COL27A1: variants seen among roughly 807,000 people sequenced by gnomAD.
The protein encoded by COL27A1 is collagen type XXVII alpha 1 chain.
A neutral mutation model predicts 251.3 loss-of-function variants in COL27A1; 106 were observed. The observed-to-expected ratio is 0.42, with a 90% confidence interval of 0.36 to 0.50. COL27A1 has a LOEUF of 0.50. Ranked by LOEUF, COL27A1 falls within the 20% of genes least tolerant of loss-of-function variation. COL27A1 has a pLI of 0.00. For missense variants in COL27A1, 2,325 were observed against 2,522.8 expected (o/e 0.92, Z 1.68); for synonymous variants, 1,000 against 986.3 (o/e 1.01, Z -0.26).
chr9:114,208,446 C>T (rs1449720094), intron 10 of COL27A1, among the ~76,000 whole-genome samples: 1 of 151,894 alleles, frequency 6.6e-6, no homozygotes, highest in Non-Finnish European at 1.5e-5. Flanking sequence ...AAGACTCCGT[C>T]TCAAAAAATA....
chr9:114,250,782 T>C (rs2135523358), intron 25 of COL27A1, 114 bp downstream of exon 25: 1 of 881,152 alleles, frequency 1.1e-6, no homozygotes, highest in East Asian at 2.6e-5. Flanking sequence ...CTAGCCTCTC[T>C]CCTGACCTGG....
Position 114,167,955 on chromosome 9 carries a change from A to G in COL27A1, c.400A>G (p.Lys134Glu). The G allele has an allele frequency of 6.2e-7, 1 of 1,608,344 alleles. No individual in the cohort carries two copies. Among genetic ancestry groups the G allele is most frequent in the Non-Finnish European group, 8.5e-7 (1 of 1,179,852 alleles). The change falls in exon 3 of 61, where the codon AAG (lysine) becomes GAG (glutamate). Residue 134 changes from lysine (K) to glutamate (E), a missense_variant. By Grantham distance (56) the Lys-to-Glu change is moderately conservative. Transcript: ENST00000356083. Reference sequence around the variant, plus strand: ...GCTGGGCCTGCAGTTCCTCCCCGGCAAGACGGTCGTCCACCTCGGGTCCCG... The same window carrying G: ...GCTGGGCCTGCAGTTCCTCCCCGGCGAGACGGTCGTCCACCTCGGGTCCCG... ...LQLGLQFLPG[K>E]TVVHLGSRRS...
At chr9:114,250,850 C>A (rs973796213) in intron 25 of COL27A1, among the ~76,000 whole-genome samples, 182 bp downstream of exon 25, 1 of 152,152 alleles carries the variant, frequency 6.6e-6, no homozygotes, top group Non-Finnish European at 1.5e-5. Context: ...GGGGTTCTAT[C>A]CCTGCCCTAC....
chr9:114,212,289 T>C (rs1457537246), intron 12 of COL27A1, among the ~76,000 whole-genome samples: 3 of 152,352 alleles, frequency 2.0e-5, no homozygotes, highest in Admixed American at 6.5e-5. Flanking sequence ...CACATGGGGT[T>C]GTCCCTCAAG....
intron 14 of COL27A1, among the ~76,000 whole-genome samples, chr9:114,229,476 G>A (rs545819413): frequency 4.6e-5 from 7 of 152,114 alleles, no homozygotes; most frequent in East Asian, 3.9e-4. Flanking sequence ...AGGCAGCTCC[G>A]ACAAGAACTC....
intron 32 of COL27A1, among the ~76,000 whole-genome samples, chr9:114,265,727 G>A (rs568509721): frequency 1.6e-4 from 25 of 152,238 alleles, no homozygotes; most frequent in South Asian, 6.2e-4. Context: ...ATTCTGTTGT[G>A]AAGATGAAAT....
At chr9:114,302,717 C>CA (rs1227081020) in intron 56 of COL27A1, among the ~76,000 whole-genome samples, 84 of 77,304 alleles carry the variant, frequency 1.1e-3, no homozygotes, top group Admixed American at 3.0e-3. Flanking sequence ...CAAAAAGAAA[C>CA]AAAAAAAACA....
At chr9:114,219,873 A>G (rs762342772) in intron 13 of COL27A1, 29 bp downstream of exon 13, 18 of 1,556,170 alleles carry the variant, frequency 1.2e-5, no homozygotes, top group Middle Eastern at 1.7e-4. Context: ...TGGGAACAGG[A>G]GCGAGATTCT....
intron 12 of COL27A1, among the ~76,000 whole-genome samples, chr9:114,217,102 C>T (rs556611400): frequency 3.2e-4 from 49 of 152,318 alleles, no homozygotes; most frequent in Middle Eastern, 3.4e-3. Flanking sequence ...TGGGTGGTCA[C>T]GCTGTTGGGG....
At chr9:114,269,634 A>AAAAAAAAAAAAAG (rs796293254) in intron 35 of COL27A1, among the ~76,000 whole-genome samples, 26 of 114,384 alleles carry the variant, frequency 2.3e-4, no homozygotes, top group Non-Finnish European at 3.2e-4. Flanking sequence ...AAAAAAAAAA[A>AAAAAAAAAAAAAG]AAGAAGAAGA....
intron 35 of COL27A1, 76 bp from the exon 36 acceptor site, chr9:114,270,651 AG>A: frequency 2.6e-6 from 3 of 1,149,550 alleles, no homozygotes; most frequent in Non-Finnish European, 3.9e-6. Flanking sequence ...TGCCCCAGGG[AG>A]GGGGAAGAGA....
Position 114,301,111 on chromosome 9 carries a change from C to T in COL27A1, c.4741C>T (p.Pro1581Ser), listed in dbSNP as rs150497649. 3.1e-6 allele frequency: 5 copies of T among 1,613,374 alleles called. No individual in the cohort carries two copies. Among genetic ancestry groups the T allele is most frequent in the Admixed American group, 1.7e-5 (1 of 59,918 alleles). ...CGTCGGGCCCCTCGGAATCCTGGGA[C>T]CTTCGGGACTCCCGGTATGTGTGGG... Reference protein sequence around the residue: ...GIVGPLGILGPSGLPGPKGDK... With the variant: ...GIVGPLGILGSSGLPGPKGDK... The change falls in exon 52 of 61, where the codon CCT becomes TCT. Residue 1581 changes from proline (P) to serine (S), a missense_variant. Physicochemically the swap from Pro to Ser is moderately conservative, Grantham distance 74. This residue lies in a region of COL27A1 where 327 missense variants were observed against 442.8 expected (regional missense o/e 0.74). Transcript: ENST00000356083.
At chr9:114,214,544 G>A (rs181232966) in intron 12 of COL27A1, among the ~76,000 whole-genome samples, 28 of 152,338 alleles carry the variant, frequency 1.8e-4, no homozygotes, top group Non-Finnish European at 2.6e-4. Context: ...AGGAACCTTC[G>A]TGATGGCCTG....
chr9:114,215,274 C>T (rs1165480206), intron 12 of COL27A1, among the ~76,000 whole-genome samples: 1 of 152,228 alleles, frequency 6.6e-6, no homozygotes, highest in Non-Finnish European at 1.5e-5. Flanking sequence ...TTCCAGTTCT[C>T]AGATTACAGG....
At chr9:114,154,826 A>G (rs915906804), upstream of COL27A1, among the ~76,000 whole-genome samples, 11 of 152,010 alleles carry the variant, frequency 7.2e-5, no homozygotes, top group African/African-American at 2.7e-4. This position sits in a 1 kb window ranked among gnomAD's most constrained non-coding sequence, Gnocchi z 5.8. Flanking sequence ...CTCGTGAACG[A>G]GTGGCAAGAG....
chr9:114,242,068 C>T lies in COL27A1; in HGVS notation c.2836-119C>T. 4 of 858,318 alleles carry T rather than the reference C, an allele frequency of 4.7e-6. No individual in the cohort carries two copies. In the South Asian group the frequency reaches 7.1e-5, roughly 15 times the overall value. The allele number at this position is 858,318 out of a possible 1,614,324, so 53.2% of individuals were successfully genotyped here. Reference sequence around the variant, plus strand: ...GCAGGTGGGCCAGGCGTGCTGTTTCCCTTTGTCCAGGAGGGCTCTCCTCTG... The same window carrying T: ...GCAGGTGGGCCAGGCGTGCTGTTTCTCTTTGTCCAGGAGGGCTCTCCTCTG... On this transcript the variant is annotated intron_variant, in intron 21 of 60. Coordinates refer to ENST00000356083, the MANE Select transcript of COL27A1 (RefSeq NM_032888.4).
intron 45 of COL27A1, 135 bp from the exon 46 acceptor site, chr9:114,289,923 C>A: frequency 9.8e-7 from 1 of 1,022,130 alleles, no homozygotes. Context: ...GCTTCCAGGC[C>A]AGAGTGCTTG....
At chr9:114,301,781 G>T in intron 55 of COL27A1, 64 bp downstream of exon 55, 1 of 1,483,954 alleles carries the variant, frequency 6.7e-7, no homozygotes, top group Non-Finnish European at 9.3e-7. Context: ...GAGATTCAAG[G>T]CTTCACCGGC....
chr9:114,286,636 A>G (rs1827514590), intron 41 of COL27A1, among the ~76,000 whole-genome samples: 1 of 152,152 alleles, frequency 6.6e-6, no homozygotes, highest in Non-Finnish European at 1.5e-5. Context: ...GATATACCTA[A>G]TGCTAAATGA....
Sources: allele counts gnomAD v4.1 joint callset (sites outside exome capture counted in the v4.1 genomes callset), GRCh38; gene constraint gnomAD v4.1.1; regional missense constraint gnomAD v4.1.1; non-coding constraint Gnocchi (gnomAD v3.1); transcripts MANE v1.5; gene names NCBI Gene and HGNC (gene_info 2026-07-23, HGNC 2026-07-21).